GLI3: variants seen among roughly 807,000 people sequenced by gnomAD.
GLI3 encodes transcription activator GLI3.
In GLI3, 20 loss-of-function variants were observed where a neutral mutation model predicts 100.8. The ratio of observed to expected loss-of-function variants is 0.20; its 90% CI spans 0.14 to 0.29. The LOEUF is 0.29. Ranked by LOEUF, GLI3 falls within the 10% of genes least tolerant of loss-of-function variation. GLI3 has a pLI of 1.00. For synonymous variants in GLI3, 938 were observed against 860.5 expected (o/e 1.09, Z -1.58); for missense variants, 2,040 against 2,128.5 (o/e 0.96, Z 0.82).
chr7:42,084,479 C>T (rs918474943), intron 3 of GLI3, among the ~76,000 whole-genome samples: 3 of 152,228 alleles, frequency 2.0e-5, no homozygotes, highest in Admixed American at 2.0e-4. Flanking sequence ...AAAACCACAT[C>T]TACGTACTGG....
At chr7:42,204,468 T>C (rs1788109382) in intron 2 of GLI3, among the ~76,000 whole-genome samples, 1 of 152,230 alleles carries the variant, frequency 6.6e-6, no homozygotes, top group Non-Finnish European at 1.5e-5. Flanking sequence ...GTTGTTTACA[T>C]TGCACTTAAT....
chr7:42,172,194 A>T (rs150418405), intron 2 of GLI3, among the ~76,000 whole-genome samples: 1 of 152,132 alleles, frequency 6.6e-6, no homozygotes, highest in East Asian at 1.9e-4. Context: ...AGTTCTCTTC[A>T]TAAGAGAAGT....
intron 4 of GLI3, among the ~76,000 whole-genome samples, chr7:42,051,153 T>C (rs1241089773): frequency 6.6e-6 from 1 of 152,180 alleles, no homozygotes; most frequent in Non-Finnish European, 1.5e-5. Flanking sequence ...TCCTTTTACA[T>C]ACTGCTGAGA....
intron 3 of GLI3, among the ~76,000 whole-genome samples, chr7:42,078,452 G>A (rs1296357113): frequency 6.6e-6 from 1 of 152,134 alleles, no homozygotes; most frequent in Non-Finnish European, 1.5e-5. Context: ...TAGAAGCTCT[G>A]TGGTCTACCA....
At chr7:42,004,212 A>T (rs186821367) in intron 10 of GLI3, among the ~76,000 whole-genome samples, 2 of 152,242 alleles carry the variant, frequency 1.3e-5, no homozygotes, top group Admixed American at 1.3e-4. Context: ...AATACCAGAT[A>T]CAAAACTGGT....
intron 3 of GLI3, among the ~76,000 whole-genome samples, chr7:42,112,822 C>T (rs1280468845): frequency 1.3e-5 from 2 of 152,126 alleles, no homozygotes; most frequent in East Asian, 3.9e-4. Flanking sequence ...ACTGTGCCCA[C>T]ATGAGATCAT....
intron 2 of GLI3, among the ~76,000 whole-genome samples, chr7:42,183,800 AC>A (rs1436570913): frequency 1.3e-5 from 2 of 152,122 alleles, no homozygotes; most frequent in Non-Finnish European, 1.5e-5. Context: ...CTGGACCGTC[AC>A]CCCCTCTCAC....
At chr7:42,172,756 T>A in intron 2 of GLI3, 1 of 633,102 alleles carries the variant, frequency 1.6e-6, no homozygotes. Flanking sequence ...ACACATTTCA[T>A]TACTTGGCTA....
At chr7:42,180,606 A>G (rs1027908082) in intron 2 of GLI3, among the ~76,000 whole-genome samples, 1 of 152,210 alleles carries the variant, frequency 6.6e-6, no homozygotes, top group African/African-American at 2.4e-5. Context: ...TGCGCTCAGC[A>G]TTGCCTTTAG....
At chr7:42,246,203 T>A (rs80020183) in intron 1 of GLI3, among the ~76,000 whole-genome samples, 2,446 of 152,292 alleles carry the variant, frequency 0.016, 57 homozygotes, top group African/African-American at 0.055. Flanking sequence ...GTGGATTTCA[T>A]AAACTCTAAA....
intron 3 of GLI3, among the ~76,000 whole-genome samples, chr7:42,132,886 C>A (rs978945688): frequency 6.6e-6 from 1 of 151,778 alleles, no homozygotes; most frequent in Non-Finnish European, 1.5e-5. Flanking sequence ...AAAAAAGACC[C>A]TAAAAGGTAT....
chr7:42,248,661 A>C (rs1788998758), intron 1 of GLI3, among the ~76,000 whole-genome samples: 1 of 152,212 alleles, frequency 6.6e-6, no homozygotes, highest in Admixed American at 6.5e-5. Flanking sequence ...GAGGATATGC[A>C]TATAGTAGAT....
At chr7:42,088,272 C>G (rs1785146195) in intron 3 of GLI3, among the ~76,000 whole-genome samples, 1 of 152,198 alleles carries the variant, frequency 6.6e-6, no homozygotes, top group South Asian at 2.1e-4. Context: ...CCACCGTCCA[C>G]TTTGCAGCTA....
chr7:42,193,009 G>A (rs919475872), intron 2 of GLI3, among the ~76,000 whole-genome samples: 1 of 152,162 alleles, frequency 6.6e-6, no homozygotes, highest in African/African-American at 2.4e-5. Flanking sequence ...CTGCAATCCA[G>A]GGCTTTGATG....
Position 42,228,252 on chromosome 7 carries a change from C to G in GLI3, c.-42-4957G>C, listed in dbSNP as rs113696899. ...AGCAAACAGAACATGCTGGATTGCTCAGAGACGGCTCTGGGTGTCTGGGGG... is the reference window on the plus strand; with the variant it reads ...AGCAAACAGAACATGCTGGATTGCTGAGAGACGGCTCTGGGTGTCTGGGGG... On this transcript the variant is annotated intron_variant, in intron 1 of 14. Coordinates refer to ENST00000395925, the MANE Select transcript of GLI3 (RefSeq NM_000168.6). Among the ~76,000 whole-genome samples, 322 of 152,278 alleles carry G rather than the reference C, an allele frequency of 2.1e-3. 4 individuals are homozygous for G. The highest frequency in any genetic ancestry group is 7.4e-3 in the African/African-American group (308 of 41,568).
chr7:42,048,678 A>G lies in GLI3; in HGVS notation c.492T>C (p.Ser164=), dbSNP rs763827853. The change falls in exon 5 of 15, where the codon AGT becomes AGC. Residue 164 remains serine (S), a synonymous_variant. Coordinates refer to ENST00000395925, the MANE Select transcript of GLI3 (RefSeq NM_000168.6). Reference sequence around the variant, plus strand: ...AGGGCAGGTCCGGATACGTAGGGCTACTAGATAAGGCGGAAGTCCTGGGTA... The same window carrying G: ...AGGGCAGGTCCGGATACGTAGGGCTGCTAGATAAGGCGGAAGTCCTGGGTA... ...PPLHMTSALS[S]SPTYPDLPFI... 4.3e-6 allele frequency: 7 copies of G among 1,609,904 alleles called. No individual in the cohort carries two copies. The highest frequency in any genetic ancestry group is 5.9e-6 in the Non-Finnish European group (7 of 1,178,800).
Position 41,972,474 on chromosome 7 carries a change from A to G in GLI3, c.1966T>C (p.Ser656Pro). ...IHPRPPPPRD[S>P]GSHSQSRSPG... is the part of the protein sequence containing the mutation. ...GACCTGGACTGTGAATGGCTGCCGG[A>G]ATCTCTCGGGGGTGGCGGCCGAGGA... The change falls in exon 13 of 15, where the codon TCC becomes CCC. Residue 656 changes from serine (S) to proline (P), a missense_variant. By Grantham distance (74) the Ser-to-Pro change is moderately conservative (BLOSUM62 -1). Around this residue, in one of 5 missense-constraint regions of GLI3, gnomAD observed 327 missense variants for 338.7 expected, o/e 0.97. Transcript: ENST00000395925. The surrounding 1 kb of genome is among the most constrained non-coding windows in gnomAD (Gnocchi z 4.4). 1 of 1,612,856 alleles carries G rather than the reference A, an allele frequency of 6.2e-7. No individual in the cohort carries two copies. The highest frequency in any genetic ancestry group is 8.5e-7 in the Non-Finnish European group (1 of 1,179,802).
At chr7:42,045,023 G>A (rs1482094530) in intron 6 of GLI3, among the ~76,000 whole-genome samples, 1 of 152,138 alleles carries the variant, frequency 6.6e-6, no homozygotes, top group Admixed American at 6.5e-5. Flanking sequence ...GAGTAGCAGG[G>A]ACTACAGGTA....
intron 10 of GLI3, among the ~76,000 whole-genome samples, chr7:42,015,289 G>A (rs1168853816): frequency 6.6e-6 from 1 of 152,128 alleles, no homozygotes; most frequent in Non-Finnish European, 1.5e-5. Flanking sequence ...TGGTTTTACT[G>A]GTAACTGGGT....
Sources: gnomAD v4.1 joint callset for allele counts (sites outside exome capture counted in the v4.1 genomes callset) on GRCh38, gnomAD v4.1.1 for gene constraint, gnomAD v4.1.1 regional missense constraint, Gnocchi (gnomAD v3.1) non-coding constraint, MANE v1.5 for transcripts, NCBI Gene and HGNC (gene_info 2026-07-23, HGNC 2026-07-21) for gene names.